The following PRKCQ variants were observed in gnomAD, a reference collection of about 807,000 sequenced individuals.
The protein encoded by PRKCQ is protein kinase C theta type.
In PRKCQ, 41 loss-of-function variants were observed where a neutral mutation model predicts 91.2. That is an observed-to-expected ratio of 0.45 (90% CI 0.35 to 0.58). PRKCQ has a LOEUF of 0.58. PRKCQ is among the 20% of genes least tolerant of loss of function. PRKCQ has a pLI of 0.00. For synonymous variants in PRKCQ, 307 were observed against 316.9 expected (o/e 0.97, Z 0.33); for missense variants, 673 against 896.5 (o/e 0.75, Z 3.18).
intron 1 of PRKCQ, among the ~76,000 whole-genome samples, chr10:6,555,105 C>T (rs895241708): frequency 1.2e-4 from 18 of 150,780 alleles, no homozygotes; most frequent in East Asian, 3.9e-4. Flanking sequence ...AAGATGGCAA[C>T]GATAGATACT....
At chr10:6,485,950 G>C in intron 9 of PRKCQ, 85 bp downstream of exon 9, 1 of 1,211,930 alleles carries the variant, frequency 8.3e-7, no homozygotes, top group Admixed American at 1.8e-5. Flanking sequence ...TTCCCATAGG[G>C]CTGCCACAGG....
intron 14 of PRKCQ, among the ~76,000 whole-genome samples, chr10:6,458,197 A>G (rs1835126485): frequency 6.6e-6 from 1 of 152,200 alleles, no homozygotes; most frequent in African/African-American, 2.4e-5. Context: ...CAGACTCAAA[A>G]TGCTGGGATT....
chr10:6,444,505 T>G (rs1157648542), intron 15 of PRKCQ, among the ~76,000 whole-genome samples: 1 of 152,112 alleles, frequency 6.6e-6, no homozygotes, highest in Non-Finnish European at 1.5e-5. Flanking sequence ...AAAAAAAATC[T>G]TCGTTAATTC....
the PRKCQ span, among the ~76,000 whole-genome samples, chr10:6,418,916 G>C: frequency 1.3e-5 from 2 of 151,656 alleles, no homozygotes; most frequent in East Asian, 3.9e-4. Flanking sequence ...CCATCCATCT[G>C]TCCATTCATT....
rs111872542 is a variant in PRKCQ, at chr10:6,484,087, C to T, written c.1019-487G>A. On this transcript the variant is annotated intron_variant, in intron 10 of 17. Transcript: ENST00000263125. ...TCTAGCAGATTTTTAAAGATCTGAA[C>T]TGCATCATTCATCCCAGAATTCAAG... 8.7e-3 allele frequency among the ~76,000 whole-genome samples: 1,332 copies of T among 152,344 alleles called. 8 individuals carry two copies. Among genetic ancestry groups the T allele is most frequent in the South Asian group, 0.021 (102 of 4,834 alleles).
At chr10:6,402,227 T>C in the PRKCQ span, among the ~76,000 whole-genome samples, 1 of 151,998 alleles carries the variant, frequency 6.6e-6, no homozygotes, top group African/African-American at 2.4e-5. Flanking sequence ...AGGGATAGCA[T>C]TAGGAGAAAT....
At position 6,430,568 on chromosome 10, in the gene PRKCQ, C is replaced by A. The variant is rs1049135267; in HGVS notation, c.1965+242G>T. Reference sequence around the variant, plus strand: ...ACCTAAGGCGTGGACACACAGCAATCCATTCTTCATGCAGGCGCATCTTGA... The same window carrying A: ...ACCTAAGGCGTGGACACACAGCAATACATTCTTCATGCAGGCGCATCTTGA... On this transcript the variant is annotated intron_variant, in intron 17 of 17. Coordinates refer to ENST00000263125, the MANE Select transcript of PRKCQ (RefSeq NM_006257.5). The surrounding 1 kb of genome is among the most constrained non-coding windows in gnomAD (Gnocchi z 4.7). Among the ~76,000 whole-genome samples the A allele has an allele frequency of 6.6e-6, 1 of 152,198 alleles. No homozygotes were observed. The highest frequency in any genetic ancestry group is 2.4e-5 in the African/African-American group (1 of 41,448).
At chr10:6,564,308 T>C (rs1840753197) in intron 1 of PRKCQ, among the ~76,000 whole-genome samples, 1 of 152,066 alleles carries the variant, frequency 6.6e-6, no homozygotes, top group Admixed American at 6.5e-5. Flanking sequence ...AGGTCCTCTG[T>C]AGGAAATATT....
intron 1 of PRKCQ, among the ~76,000 whole-genome samples, chr10:6,571,651 TA>T (rs1490539279): frequency 6.6e-6 from 1 of 151,938 alleles, no homozygotes; most frequent in Non-Finnish European, 1.5e-5. Context: ...ACTAAAAACA[TA>T]AAAATTAACC....
At chr10:6,569,491 C>G (rs906261873) in intron 1 of PRKCQ, among the ~76,000 whole-genome samples, 1 of 152,052 alleles carries the variant, frequency 6.6e-6, no homozygotes, top group Non-Finnish European at 1.5e-5. Context: ...GGCTTTATCC[C>G]GGGGGCACTG....
chr10:6,544,861 C>A (rs1244936190), intron 1 of PRKCQ, among the ~76,000 whole-genome samples: 1 of 152,170 alleles, frequency 6.6e-6, no homozygotes, highest in African/African-American at 2.4e-5. Flanking sequence ...ACCTCATGAT[C>A]CGCCTGCCTC....
intron 14 of PRKCQ, among the ~76,000 whole-genome samples, chr10:6,460,411 G>T (rs1835257305): frequency 6.6e-6 from 1 of 151,950 alleles, no homozygotes; most frequent in African/African-American, 2.4e-5. Context: ...GTTTCACGGG[G>T]TCCCTTCCAG....
In PRKCQ at chr10:6,467,321, C is replaced by CAGACAGAGAGAG. The variant is rs1835711227; in HGVS notation, c.1354-2918_1354-2917insCTCTCTCTGTCT. ...TGAGAGAGAGAGAGAGAGAGAGAGA[C>CAGACAGAGAGAG]AGAGAGAGACAGACAGAGAGAGAGA... On this transcript the variant is annotated intron_variant, in intron 12 of 17. Coordinates refer to ENST00000263125, the MANE Select transcript of PRKCQ (RefSeq NM_006257.5). Among the ~76,000 whole-genome samples, 5 of 97,344 alleles carry CAGACAGAGAGAG rather than the reference C, an allele frequency of 5.1e-5. 1 individual carries two copies. The highest frequency in any genetic ancestry group is 1.1e-4 in the Non-Finnish European group (5 of 46,900). The allele number at this position is 97,344 out of a possible 152,430, so 63.9% of individuals were successfully genotyped here.
At chr10:6,560,899 C>T (rs896897886) in intron 1 of PRKCQ, among the ~76,000 whole-genome samples, 2 of 151,966 alleles carry the variant, frequency 1.3e-5, no homozygotes, top group Non-Finnish European at 2.9e-5. Context: ...ATTAGCCAGG[C>T]GTGGTGGTGG....
chr10:6,417,502 C>A, the PRKCQ span, among the ~76,000 whole-genome samples: 1 of 152,146 alleles, frequency 6.6e-6, no homozygotes, highest in Non-Finnish European at 1.5e-5. Context: ...GGTCAAACCC[C>A]AAATTCGAAT....
At chr10:6,490,586 CA>C (rs144650548) in intron 8 of PRKCQ, among the ~76,000 whole-genome samples, 1 of 143,964 alleles carries the variant, frequency 6.9e-6, no homozygotes, top group Non-Finnish European at 1.5e-5. Context: ...CAAAGAAAAA[CA>C]AAAAAAACAA....
intron 15 of PRKCQ, among the ~76,000 whole-genome samples, chr10:6,443,124 C>T (rs1400798001): frequency 6.6e-6 from 1 of 152,152 alleles, no homozygotes; most frequent in Non-Finnish European, 1.5e-5. Context: ...TTCACCAACC[C>T]ACTCTTCTGG....
chr10:6,445,855 C>T (rs943672375), intron 15 of PRKCQ, among the ~76,000 whole-genome samples: 9 of 152,328 alleles, frequency 5.9e-5, no homozygotes, highest in Middle Eastern at 3.4e-3. Flanking sequence ...ATGCAATTTC[C>T]GAGACTTGCC....
downstream of PRKCQ, among the ~76,000 whole-genome samples, chr10:6,426,440 G>C (rs1254481383): frequency 1.3e-5 from 2 of 152,154 alleles, no homozygotes; most frequent in Non-Finnish European, 2.9e-5. Flanking sequence ...TGGTAAACAT[G>C]TGTGAGCATT....
Sources: gnomAD v4.1 joint callset for allele counts (sites outside exome capture counted in the v4.1 genomes callset) on GRCh38, gnomAD v4.1.1 for gene constraint, Gnocchi (gnomAD v3.1) non-coding constraint, MANE v1.5 for transcripts, NCBI Gene and HGNC (gene_info 2026-07-23, HGNC 2026-07-21) for gene names.